Variants in RABL2A observed in about 807,000 individuals in gnomAD.
RABL2A encodes rab-like protein 2A.
RABL2A carries 17 observed loss-of-function variants against 30.7 expected under a neutral mutation model. The ratio of observed to expected loss-of-function variants is 0.55; its 90% CI spans 0.38 to 0.83. The LOEUF is 0.83. RABL2A is among the 40% of genes least tolerant of loss of function. The pLI, the probability that RABL2A is intolerant of heterozygous loss-of-function variation, is 0.00. For missense variants in RABL2A, 155 were observed against 272.6 expected, an observed-to-expected ratio of 0.57 and a Z score of 3.04; for synonymous variants, 64 against 101.8, an observed-to-expected ratio of 0.63 and a Z score of 2.24.
In RABL2A at chr2:113,642,070, C is replaced by A; in HGVS notation, c.631C>A (p.Gln211Lys). Residue 211 changes from glutamine to lysine, a missense_variant, in exon 9 of 9, where the codon CAG becomes AAG. This residue lies in a region of RABL2A where 24 missense variants were observed against 69.4 expected (regional missense o/e 0.35). Transcript: ENST00000683472. ...LEQEEEDVPDQEQSSSIETPS... is the reference protein window; with the variant it reads ...LEQEEEDVPDKEQSSSIETPS... ...GCAGGAAGAGGAGGACGTGCCAGAC[C>A]AGGAACAGAGCAGCAGCATCGAGAC... The A allele has an allele frequency of 6.2e-7, 1 of 1,613,282 alleles. No homozygotes were observed. The highest frequency in any genetic ancestry group is 8.5e-7 in the Non-Finnish European group (1 of 1,179,778).
chr2:113,632,230 G>A (rs1484961735), intron 2 of RABL2A, among the ~76,000 whole-genome samples: 3 of 152,262 alleles, frequency 2.0e-5, no homozygotes, highest in African/African-American at 7.2e-5. Flanking sequence ...GAAATGGCCA[G>A]TGGCTAGAAC....
In RABL2A at chr2:113,632,738, G is replaced by A. The variant is rs1312496562; in HGVS notation, c.108-177G>A. On this transcript the variant is annotated intron_variant, in intron 2 of 8. Transcript: ENST00000683472. ...GTGACATGAGCTGTTTTGTTATGAC[G>A]GGTTGGTAATGCTGATACCCAATTT... is the stretch of plus-strand genomic sequence containing the variant. Among the ~76,000 whole-genome samples the A allele has an allele frequency of 4.6e-5, 7 of 152,310 alleles. No homozygotes were observed. In the South Asian group the frequency reaches 8.3e-4, roughly 18 times the overall value.
rs541286534 is a variant in RABL2A, at chr2:113,638,325, G to C, written c.298-2569G>C. 1.0e-5 allele frequency: 10 copies of C among 985,440 alleles called. No homozygotes were observed. In the East Asian group the frequency reaches 1.1e-3, roughly 112 times the overall value. The allele number at this position is 985,440 out of a possible 1,614,324, so 61.0% of individuals were successfully genotyped here. On this transcript the variant is annotated intron_variant, in intron 5 of 8. Transcript: ENST00000683472. ...AGGGCGAGCCCCTAGCCCTGAGCTT[G>C]AACCATGTTGCTTGCACAAATAGCT...
intron 7 of RABL2A, 38 bp downstream of exon 7, chr2:113,641,488 C>T (rs368049375): frequency 1.4e-5 from 23 of 1,610,544 alleles, no homozygotes; most frequent in African/African-American, 2.7e-5. Context: ...AAGGTCAGGG[C>T]GCTAGGTGGT....
At chr2:113,641,234 G>A in intron 6 of RABL2A, 119 bp from the exon 7 acceptor site, 1 of 1,533,458 alleles carries the variant, frequency 6.5e-7, no homozygotes, top group Non-Finnish European at 8.9e-7. Flanking sequence ...CTCTTTCTAG[G>A]ACATGTTTCC....
chr2:113,629,473 CTCTG>C (rs969240774), intron 2 of RABL2A, among the ~76,000 whole-genome samples: 4 of 149,532 alleles, frequency 2.7e-5, no homozygotes, highest in African/African-American at 9.8e-5. Flanking sequence ...AATTTGAATT[CTCTG>C]TCTCTCTCTC....
chr2:113,638,319 G>C lies in RABL2A; in HGVS notation c.298-2575G>C. The C allele has an allele frequency of 3.0e-6, 3 of 985,462 alleles. No individual in the cohort carries two copies. The South Asian group carries it at 1.4e-4, about 46-fold the overall frequency. The allele number at this position is 985,462 out of a possible 1,614,324, so 61.0% of individuals were successfully genotyped here. On this transcript the variant is annotated intron_variant, in intron 5 of 8. Transcript: ENST00000683472. The stretch of plus-strand genomic sequence containing the variant: ...CCACACAGGGCGAGCCCCTAGCCCT[G>C]AGCTTGAACCATGTTGCTTGCACAA...
At position 113,632,934 on chromosome 2, in the gene RABL2A, A is replaced by G. The variant is rs1169634333; in HGVS notation, c.127A>G (p.Met43Val). The change falls in exon 3 of 9, where the codon ATG (methionine) becomes GTG (valine). Residue 43 changes from methionine to valine, a missense_variant. Coordinates refer to ENST00000683472, the MANE Select transcript of RABL2A (RefSeq NM_001306158.2). Reference protein sequence around the residue: ...GKSKLMERFLMDGFQPQQLST... With the variant: ...GKSKLMERFLVDGFQPQQLST... The stretch of plus-strand genomic sequence containing the variant: ...TTACAGACTCATGGAGAGATTTCTC[A>G]TGGATGGCTTGTATCCTTCAAGGTT... 1 of 1,614,190 alleles carries G rather than the reference A, an allele frequency of 6.2e-7. No homozygotes were observed. The highest frequency in any genetic ancestry group is 8.5e-7 in the Non-Finnish European group (1 of 1,180,032).
At position 113,643,156 on chromosome 2, in the gene RABL2A, A is replaced by G. The variant is rs1685739588; in HGVS notation, c.*1027A>G. On this transcript the variant is annotated 3_prime_UTR_variant, in exon 9 of 9. Transcript: ENST00000683472. The stretch of plus-strand genomic sequence containing the variant: ...AAGAAGAGCTTCCTTTAAAGTTCCT[A>G]TTTCAGCATAAAGAGGCTGTCCTTT... 1 of 455,380 alleles carries G rather than the reference A, an allele frequency of 2.2e-6. No homozygotes were observed. Among genetic ancestry groups the G allele is most frequent in the South Asian group, 1.6e-5 (1 of 64,368 alleles). The allele number at this position is 455,380 out of a possible 1,614,324, so 28.2% of individuals were successfully genotyped here. A position where few individuals can be genotyped will look rare whatever the true frequency, so the allele number is the denominator to read the frequency against.
chr2:113,639,509 C>G (rs1431854644), intron 5 of RABL2A, among the ~76,000 whole-genome samples: 1 of 151,540 alleles, frequency 6.6e-6, no homozygotes, highest in African/African-American at 2.4e-5. Flanking sequence ...GTAATCCCAG[C>G]TACTCCGGAG....
intron 5 of RABL2A, chr2:113,637,872 T>C (rs1683543666): frequency 8.1e-7 from 1 of 1,240,392 alleles, no homozygotes. Flanking sequence ...AGGCCTGGGG[T>C]GTCTCTCCTG....
intron 2 of RABL2A, among the ~76,000 whole-genome samples, chr2:113,629,346 C>G: frequency 6.6e-6 from 1 of 152,160 alleles, no homozygotes; most frequent in East Asian, 1.9e-4. Flanking sequence ...ACGTTTATCT[C>G]CCAAGTACTC....
chr2:113,637,113 A>G (rs1184811558), intron 5 of RABL2A, among the ~76,000 whole-genome samples: 1 of 152,186 alleles, frequency 6.6e-6, no homozygotes, highest in Non-Finnish European at 1.5e-5. Flanking sequence ...TTACCTTGGC[A>G]CTGAGAGAGA....
rs202127966 is a variant in RABL2A at position 113,628,597 on chromosome 2, C to G, written c.-10C>G. 4.9e-4 allele frequency: 710 copies of G among 1,438,776 alleles called. 1 individual carries two copies. The African/African-American group carries it at 8.6e-3, about 17-fold the overall frequency. The allele number at this position is 1,438,776 out of a possible 1,614,324, so 89.1% of individuals were successfully genotyped here. On this transcript the variant is annotated 5_prime_UTR_variant, in exon 2 of 9. Coordinates refer to ENST00000683472, the MANE Select transcript of RABL2A (RefSeq NM_001306158.2). ...CCTTGGGCTGGACCCCTCTCTACAG[C>G]TAGGAGCCAATGGCAGAAGACAAAA...
intron 8 of RABL2A, 33 bp from the exon 9 acceptor site, chr2:113,641,998 A>C (rs543933303): frequency 6.2e-7 from 1 of 1,604,670 alleles, no homozygotes; most frequent in South Asian, 1.1e-5. Flanking sequence ...GAGCAAATGC[A>C]GGGCCAGGCC....
chr2:113,639,282 T>G (rs929270832), intron 5 of RABL2A, among the ~76,000 whole-genome samples: 9 of 151,000 alleles, frequency 6.0e-5, no homozygotes, highest in Non-Finnish European at 1.3e-4. Context: ...TAAGACCCTA[T>G]CTCAAAAAAC....
At chr2:113,628,067 ACT>A (rs1678789616) in intron 1 of RABL2A, 1 of 200,826 alleles carries the variant, frequency 5.0e-6, no homozygotes, top group Non-Finnish European at 1.0e-5. Flanking sequence ...ACCACAGTAG[ACT>A]CTGCTATCAT....
At chr2:113,631,322 G>A (rs1162275971) in intron 2 of RABL2A, among the ~76,000 whole-genome samples, 2 of 151,956 alleles carry the variant, frequency 1.3e-5, no homozygotes, top group Non-Finnish European at 2.9e-5. Context: ...GCCTATCATC[G>A]TTGTGCAAAG....
chr2:113,642,972 A>G lies in RABL2A; in HGVS notation c.*843A>G, dbSNP rs1377974738. The G allele has an allele frequency of 2.9e-6, 1 of 346,680 alleles. No individual in the cohort carries two copies. Among genetic ancestry groups the G allele is most frequent in the South Asian group, 2.1e-5 (1 of 47,064 alleles). The allele number at this position is 346,680 out of a possible 1,614,324, so 21.5% of individuals were successfully genotyped here. On this transcript the variant is annotated 3_prime_UTR_variant, in exon 9 of 9. Coordinates refer to ENST00000683472, the MANE Select transcript of RABL2A (RefSeq NM_001306158.2). ...ATCGTTTTTGAGCAGATAGCTATTC[A>G]TTCCAGATTTCCGTGTACCCACTCT... is the stretch of plus-strand genomic sequence containing the variant.
Sources: gnomAD v4.1 joint callset for allele counts (sites outside exome capture counted in the v4.1 genomes callset) on GRCh38, gnomAD v4.1.1 for gene constraint, gnomAD v4.1.1 regional missense constraint, MANE v1.5 for transcripts, NCBI Gene and HGNC (gene_info 2026-07-23, HGNC 2026-07-21) for gene names.